PHACTR3: variants seen among roughly 807,000 people sequenced by gnomAD.
The protein encoded by PHACTR3 is protein phosphatase 1, regulatory subunit 123.
Under a neutral mutation model 66.8 loss-of-function variants are expected in PHACTR3, and 16 were observed. That is an observed-to-expected ratio of 0.24 (90% confidence interval 0.16 to 0.36). PHACTR3 has a LOEUF of 0.36. PHACTR3 is among the 10% of genes least tolerant of loss of function. The probability of loss-of-function intolerance (pLI) is 1.00; values close to 1 mark genes in which losing one functional copy is unlikely to be tolerated. For synonymous variants in PHACTR3, 323 were observed against 292.1 expected (o/e 1.11, Z -1.08); for missense variants, 647 against 719.9 (o/e 0.90, Z 1.16).
Position 59,767,194 on chromosome 20 carries a change from C to A in PHACTR3, c.550C>A (p.Pro184Thr), listed in dbSNP as rs769085947. The change falls in exon 5 of 13, where the codon CCT becomes ACT. Residue 184 changes from proline to threonine, a missense_variant. Physicochemically the swap from Pro to Thr is conservative, Grantham distance 38. This residue lies in a region of PHACTR3 where 577 missense variants were observed against 571.1 expected (regional missense o/e 1.01). Transcript: ENST00000371015. ...CTTTGCCTTTGAACCAGCCAAGATG[C>A]CTTCTGCATCCAGTGGTGAAGAAGC... ...AAHLDDAAKM[P>T]SASSGEEADA... is the part of the protein sequence containing the mutation. 9.3e-6 allele frequency: 15 copies of A among 1,614,102 alleles called. No homozygotes were observed. Among genetic ancestry groups the A allele is most frequent in the Non-Finnish European group, 1.0e-5 (12 of 1,180,030 alleles).
chr20:59,841,301 GTTTTGTT>G (rs1280813796), intron 10 of PHACTR3, 87 bp from the exon 11 acceptor site: 2 of 1,321,684 alleles, frequency 1.5e-6, no homozygotes, highest in Admixed American at 2.5e-5. Context: ...TTTTTGTTTT[GTTTTGTT>G]TTTTAAGAGA....
intron 1 of PHACTR3, among the ~76,000 whole-genome samples, chr20:59,634,116 T>C (rs1264805805): frequency 6.6e-6 from 1 of 152,242 alleles, no homozygotes; most frequent in Non-Finnish European, 1.5e-5. Flanking sequence ...GAGATAGATA[T>C]AATGGATTCA....
intron 7 of PHACTR3, among the ~76,000 whole-genome samples, chr20:59,782,853 A>C (rs902215403): frequency 6.6e-6 from 1 of 152,206 alleles, no homozygotes; most frequent in Non-Finnish European, 1.5e-5. Flanking sequence ...GTGTGACGCC[A>C]AGAATGTGGT....
Position 59,657,257 on chromosome 20 carries a change from TTGTGTGTGTG to T in PHACTR3, c.118+52143_118+52152del, listed in dbSNP as rs112043545. Among the ~76,000 whole-genome samples the T allele has an allele frequency of 7.7e-3, 1,155 of 150,204 alleles. 16 individuals are homozygous for T. Among genetic ancestry groups the T allele is most frequent in the African/African-American group, 0.026 (1,083 of 40,994 alleles). On this transcript the variant is annotated intron_variant, in intron 1 of 12. Transcript: ENST00000371015. ...TTATAGGCACAATGATAGAAGTGTGTTGTGTGTGTGTGTGTGTGTGTGTGTGTTTGTGTGT... is the reference window on the plus strand; with the variant it reads ...TTATAGGCACAATGATAGAAGTGTGTTGTGTGTGTGTGTGTGTTTGTGTGT...
intron 10 of PHACTR3, among the ~76,000 whole-genome samples, 188 bp from the exon 11 acceptor site, chr20:59,841,207 G>C (rs1037100878): frequency 1.3e-5 from 2 of 152,160 alleles, no homozygotes; most frequent in Non-Finnish European, 2.9e-5. Flanking sequence ...AAGGGGGATT[G>C]TGATTTAAGA....
chr20:59,751,921 C>A (rs1409315486), intron 3 of PHACTR3, among the ~76,000 whole-genome samples: 1 of 152,122 alleles, frequency 6.6e-6, no homozygotes, highest in Non-Finnish European at 1.5e-5. Context: ...TGCCCTGGTC[C>A]CCAGCCCACG....
chr20:59,775,990 G>C (rs573819159), intron 7 of PHACTR3, among the ~76,000 whole-genome samples: 3 of 152,312 alleles, frequency 2.0e-5, no homozygotes, highest in Admixed American at 6.5e-5. Flanking sequence ...AATGTCTCCA[G>C]ACTTGGCCAG....
intron 7 of PHACTR3, among the ~76,000 whole-genome samples, chr20:59,793,189 T>C (rs904347099): frequency 4.6e-5 from 7 of 152,128 alleles, no homozygotes; most frequent in African/African-American, 1.7e-4. Context: ...GCACCCAGCC[T>C]ATAGTAGTAT....
At chr20:59,785,336 G>A (rs755426085) in intron 7 of PHACTR3, among the ~76,000 whole-genome samples, 3 of 152,122 alleles carry the variant, frequency 2.0e-5, no homozygotes, top group Non-Finnish European at 2.9e-5. Context: ...TCAGGGCCCC[G>A]CTCTTGCAAC....
chr20:59,713,636 T>C (rs1358953362), intron 1 of PHACTR3, among the ~76,000 whole-genome samples: 1 of 152,268 alleles, frequency 6.6e-6, no homozygotes, highest in Non-Finnish European at 1.5e-5. Flanking sequence ...TGTGTGAATA[T>C]ATTCTCAATT....
intron 7 of PHACTR3, among the ~76,000 whole-genome samples, chr20:59,777,323 G>A (rs914883525): frequency 2.0e-5 from 3 of 152,170 alleles, no homozygotes; most frequent in African/African-American, 7.2e-5. Flanking sequence ...CTGGGGATTT[G>A]GACTTGGCAC....
In PHACTR3 at chr20:59,751,387, T is replaced by C. The variant is rs560706133; in HGVS notation, c.358+3552T>C. ...ATTGTCAGGGACTCCAGAGCCTCAT[T>C]TGAGCCCCCTCGAAACTCACATTTG... On this transcript the variant is annotated intron_variant, in intron 3 of 12. Transcript: ENST00000371015. Among the ~76,000 whole-genome samples, 208 of 152,224 alleles carry C rather than the reference T, an allele frequency of 1.4e-3. 7 individuals are homozygous for C. Among genetic ancestry groups the C allele is most frequent in the East Asian group, 2.9e-3 (15 of 5,154 alleles).
At chr20:59,710,714 A>G (rs2037882731) in intron 1 of PHACTR3, among the ~76,000 whole-genome samples, 1 of 151,912 alleles carries the variant, frequency 6.6e-6, no homozygotes, top group South Asian at 2.1e-4. Context: ...TTGGCATTCA[A>G]GCCTCTTCCA....
At chr20:59,671,024 A>T (rs2036178023) in intron 1 of PHACTR3, among the ~76,000 whole-genome samples, 1 of 150,624 alleles carries the variant, frequency 6.6e-6, no homozygotes. Context: ...AGGCTGCCCC[A>T]CCCCCTCCAC....
chr20:59,825,260 G>T (rs571244477), intron 8 of PHACTR3, among the ~76,000 whole-genome samples: 1 of 152,330 alleles, frequency 6.6e-6, no homozygotes, highest in Non-Finnish European at 1.5e-5. Flanking sequence ...TCTTTCACAG[G>T]CTTGGAGGGT....
chr20:59,590,668 GGCTACAAC>G (rs1422561098), intron 1 of PHACTR3, among the ~76,000 whole-genome samples: 2 of 152,066 alleles, frequency 1.3e-5, no homozygotes, highest in Non-Finnish European at 2.9e-5. Context: ...AGACTTTTTG[GGCTACAAC>G]AACAAAATAT....
At chr20:59,692,258 A>G (rs1455643985) in intron 1 of PHACTR3, among the ~76,000 whole-genome samples, 1 of 152,214 alleles carries the variant, frequency 6.6e-6, no homozygotes, top group Non-Finnish European at 1.5e-5. Flanking sequence ...GCCTGTACCC[A>G]ACGGGGCCAC....
intron 2 of PHACTR3, among the ~76,000 whole-genome samples, chr20:59,745,653 G>A (rs1187721322): frequency 3.1e-4 from 47 of 152,258 alleles, no homozygotes; most frequent in Non-Finnish European, 7.3e-5. Context: ...ATGATTGAAA[G>A]AGAAATATGT....
intron 1 of PHACTR3, among the ~76,000 whole-genome samples, chr20:59,685,727 C>T (rs541885115): frequency 4.6e-5 from 7 of 152,222 alleles, no homozygotes; most frequent in Non-Finnish European, 8.8e-5. Context: ...GCCCATTATC[C>T]TTCGGGCCTC....
Sources: allele counts gnomAD v4.1 joint callset (sites outside exome capture counted in the v4.1 genomes callset), GRCh38; gene constraint gnomAD v4.1.1; regional missense constraint gnomAD v4.1.1; transcripts MANE v1.5; gene names NCBI Gene and HGNC (gene_info 2026-07-23, HGNC 2026-07-21).